FAT3: variants seen among roughly 807,000 people sequenced by gnomAD.
FAT3 encodes FAT atypical cadherin 3, also known as protocadherin Fat 3.
In FAT3, 95 loss-of-function variants were observed where a neutral mutation model predicts 310.2. The ratio of observed to expected loss-of-function variants is 0.31; its 90% confidence interval spans 0.26 to 0.36. The LOEUF is 0.36. Ranked by LOEUF, FAT3 falls within the 10% of genes least tolerant of loss-of-function variation. The pLI, the probability that FAT3 is intolerant of heterozygous loss-of-function variation, is 1.00. For missense variants in FAT3, 5,408 were observed against 5,715.6 expected (o/e 0.95, Z 1.74); for synonymous variants, 2,314 against 2,192.9 (o/e 1.06, Z -1.54).
At chr11:92,288,479 T>C (rs1319861433) in intron 1 of FAT3, among the ~76,000 whole-genome samples, 1 of 152,138 alleles carries the variant, frequency 6.6e-6, no homozygotes, top group African/African-American at 2.4e-5. Context: ...AACCAGTCAG[T>C]ACCTGAGTCC....
chr11:92,232,439 A>G (rs1388583643), intron 1 of FAT3, among the ~76,000 whole-genome samples: 1 of 152,274 alleles, frequency 6.6e-6, no homozygotes, highest in African/African-American at 2.4e-5. Context: ...GAAATGTTGA[A>G]GTCTGGTGTC....
intron 1 of FAT3, among the ~76,000 whole-genome samples, chr11:92,329,577 T>A (rs1054220652): frequency 2.6e-5 from 4 of 151,626 alleles, no homozygotes; most frequent in African/African-American, 9.7e-5. Context: ...GTTTATATTC[T>A]GCTAGTCACG....
intron 2 of FAT3, among the ~76,000 whole-genome samples, chr11:92,424,976 A>C (rs1268968060): frequency 6.6e-6 from 1 of 152,062 alleles, no homozygotes; most frequent in African/African-American, 2.4e-5. Flanking sequence ...TATGTCTTGC[A>C]TTTTTGTCAG....
At chr11:92,336,957 A>G (rs187079479) in intron 1 of FAT3, among the ~76,000 whole-genome samples, 1 of 152,216 alleles carries the variant, frequency 6.6e-6, no homozygotes, top group Admixed American at 6.5e-5. Flanking sequence ...TTGGACCCTC[A>G]TTTTATCGTT....
At chr11:92,335,421 C>T (rs35952219) in intron 1 of FAT3, among the ~76,000 whole-genome samples, 3,966 of 152,094 alleles carry the variant, frequency 0.026, 59 homozygotes, top group Non-Finnish European at 0.033. Context: ...TTATGCATGT[C>T]CTTGGGTTTA....
intron 2 of FAT3, 143 bp from the exon 3 acceptor site, chr11:92,524,491 G>A (rs1953785606): frequency 3.0e-6 from 2 of 670,054 alleles, no homozygotes; most frequent in Non-Finnish European, 4.9e-6. Context: ...TGTAAAGAGT[G>A]ACATCTTAAT....
At chr11:92,837,963 A>G (rs964186248) in intron 17 of FAT3, among the ~76,000 whole-genome samples, 157 bp downstream of exon 17, 4 of 152,182 alleles carry the variant, frequency 2.6e-5, no homozygotes, top group Non-Finnish European at 5.9e-5. Context: ...TCTACCACAG[A>G]TGATTAATAA....
chr11:92,619,543 G>A (rs1428195015), intron 3 of FAT3, among the ~76,000 whole-genome samples: 2 of 152,040 alleles, frequency 1.3e-5, no homozygotes, highest in African/African-American at 4.8e-5. Flanking sequence ...TTCATTCTCT[G>A]TACTTCCAAT....
intron 2 of FAT3, among the ~76,000 whole-genome samples, chr11:92,515,381 A>G (rs1285131918): frequency 6.6e-6 from 1 of 152,144 alleles, no homozygotes; most frequent in Non-Finnish European, 1.5e-5. Context: ...ATGTACCAAA[A>G]AGTATCTTTT....
chr11:92,370,173 A>G (rs909049287), intron 2 of FAT3, among the ~76,000 whole-genome samples: 2 of 152,200 alleles, frequency 1.3e-5, no homozygotes, highest in African/African-American at 4.8e-5. Flanking sequence ...GTTGTAATTT[A>G]CTATAAATAA....
intron 26 of FAT3, 50 bp from the exon 27 acceptor site, chr11:92,889,806 T>C (rs1949876167): frequency 4.2e-6 from 3 of 717,644 alleles, no homozygotes; most frequent in Non-Finnish European, 7.8e-6. Context: ...TTTATCCCTC[T>C]TCACATGGTT....
intron 4 of FAT3, among the ~76,000 whole-genome samples, chr11:92,708,104 A>G (rs1944411993): frequency 6.6e-6 from 1 of 152,216 alleles, no homozygotes. Flanking sequence ...TGTCAGCGTA[A>G]GGATGTAGAA....
Position 92,869,774 on chromosome 11 carries a change from G to C in FAT3, c.12127+2565G>C, listed in dbSNP as rs1949340581. On this transcript the variant is annotated intron_variant, in intron 22 of 27. Coordinates refer to ENST00000525166, the MANE Select transcript of FAT3 (RefSeq NM_001367949.2). ...AAAATCCTCTGAGCTGTGAGTGATA[G>C]TTTAAAAAGAACAATAAGACTGAGT... Among the ~76,000 whole-genome samples, 4 of 152,200 alleles carry C rather than the reference G, an allele frequency of 2.6e-5. No individual in the cohort carries two copies. The South Asian group carries it at 8.3e-4, about 32-fold the overall frequency.
chr11:92,493,607 T>G (rs1269072701), intron 2 of FAT3, among the ~76,000 whole-genome samples: 1 of 152,092 alleles, frequency 6.6e-6, no homozygotes, highest in Non-Finnish European at 1.5e-5. Context: ...CTTCTTCCCA[T>G]GTGTCACATA....
intron 3 of FAT3, among the ~76,000 whole-genome samples, chr11:92,563,120 G>C (rs1955293264): frequency 6.6e-6 from 1 of 152,112 alleles, no homozygotes; most frequent in South Asian, 2.1e-4. Context: ...TTATTTCTTT[G>C]TTACGTTGTA....
chr11:92,809,181 A>C (rs1947594237), intron 12 of FAT3, among the ~76,000 whole-genome samples: 1 of 152,108 alleles, frequency 6.6e-6, no homozygotes, highest in Admixed American at 6.5e-5. Context: ...ACATTACTCC[A>C]CGCGGGATGC....
intron 13 of FAT3, 37 bp downstream of exon 13, chr11:92,810,113 G>A: frequency 6.4e-7 from 1 of 1,568,330 alleles, no homozygotes; most frequent in Admixed American, 1.7e-5. Flanking sequence ...TCACACAGTG[G>A]ACACTTTGTC....
At chr11:92,476,576 C>T (rs374991076) in intron 2 of FAT3, among the ~76,000 whole-genome samples, 2 of 152,064 alleles carry the variant, frequency 1.3e-5, no homozygotes, top group Non-Finnish European at 2.9e-5. Context: ...TGAATACAGC[C>T]GTACTTGGGG....
At chr11:92,637,078 G>A (rs903999019) in intron 3 of FAT3, among the ~76,000 whole-genome samples, 23 of 152,292 alleles carry the variant, frequency 1.5e-4, no homozygotes, top group African/African-American at 5.5e-4. Flanking sequence ...CAAATGTTCA[G>A]TGCCAGGCAT....
Sources: gnomAD v4.1 joint callset for allele counts (sites outside exome capture counted in the v4.1 genomes callset) on GRCh38, gnomAD v4.1.1 for gene constraint, MANE v1.5 for transcripts, NCBI Gene and HGNC (gene_info 2026-07-23, HGNC 2026-07-21) for gene names.